LMX1A: variants seen among roughly 807,000 people sequenced by gnomAD.
LMX1A encodes the protein LIM homeobox transcription factor 1-alpha.
LMX1A carries 15 observed loss-of-function variants against 49.1 expected under a neutral mutation model. That is an observed-to-expected ratio of 0.31 (90% confidence interval 0.20 to 0.47). The LOEUF is 0.47. Ranked by LOEUF, LMX1A falls within the 20% of genes least tolerant of loss-of-function variation. LMX1A has a pLI of 1.00. For synonymous variants in LMX1A, 167 were observed against 185.7 expected (o/e 0.90, Z 0.82); for missense variants, 372 against 475.8 (o/e 0.78, Z 2.03).
intron 3 of LMX1A, among the ~76,000 whole-genome samples, chr1:165,299,416 G>A (rs1654711216): frequency 6.6e-6 from 1 of 152,188 alleles, no homozygotes; most frequent in African/African-American, 2.4e-5. Context: ...CTGGCCATGG[G>A]GCCATGCTCT....
intron 4 of LMX1A, among the ~76,000 whole-genome samples, chr1:165,247,054 C>CTTTTTTTTTT (rs71097567): frequency 0.021 from 1,121 of 53,200 alleles, 331 homozygotes; most frequent in East Asian, 0.048. Context: ...TCAGCTTTTT[C>CTTTTTTTTTT]TTTTTTTTTT....
At chr1:165,354,049 G>A (rs1178076731) in intron 2 of LMX1A, among the ~76,000 whole-genome samples, 12 of 152,172 alleles carry the variant, frequency 7.9e-5, no homozygotes, top group Non-Finnish European at 1.8e-4. Context: ...CTACCCCTTG[G>A]ACTTTGTGTT....
Position 165,344,875 on chromosome 1 carries a change from G to A in LMX1A, c.263+8201C>T, listed in dbSNP as rs181152741. On this transcript the variant is annotated intron_variant, in intron 3 of 8. Coordinates refer to ENST00000342310, the MANE Select transcript of LMX1A (RefSeq NM_177398.4). ...TCCCTTTGCAGGGCCCCATGCTCAG[G>A]AGAGACATCAACCTCTCCCCACCCT... 2.3e-4 allele frequency among the ~76,000 whole-genome samples: 35 copies of A among 152,282 alleles called. No individual in the cohort carries two copies. In the East Asian group the frequency reaches 6.8e-3, roughly 29 times the overall value.
chr1:165,202,903 T>C lies in LMX1A; in HGVS notation c.*977A>G, dbSNP rs1442981589. ...TGTATCTTAAACAAATATCAGATAT[T>C]AGTCTCAGCCCTGCTCATGTGTCCT... On this transcript the variant is annotated 3_prime_UTR_variant, in exon 9 of 9. Coordinates refer to ENST00000342310, the MANE Select transcript of LMX1A (RefSeq NM_177398.4). 2.0e-5 allele frequency: 3 copies of C among 152,672 alleles called. No individual in the cohort carries two copies. Among genetic ancestry groups the C allele is most frequent in the Non-Finnish European group, 4.4e-5 (3 of 68,074 alleles). The allele number at this position is 152,672 out of a possible 1,614,324, so 9.5% of individuals were successfully genotyped here.
chr1:165,266,683 G>C (rs1194988947), intron 3 of LMX1A, among the ~76,000 whole-genome samples: 3 of 130,188 alleles, frequency 2.3e-5, no homozygotes, highest in Non-Finnish European at 4.7e-5. Context: ...CTCACTGCCA[G>C]CTCCGCCTCC....
chr1:165,279,489 A>C (rs1325055528), intron 3 of LMX1A, among the ~76,000 whole-genome samples: 1 of 152,178 alleles, frequency 6.6e-6, no homozygotes, highest in Non-Finnish European at 1.5e-5. Context: ...ACTGGCATTA[A>C]TTCCATCTAC....
intron 4 of LMX1A, among the ~76,000 whole-genome samples, chr1:165,247,703 C>T (rs1465497561): frequency 1.3e-5 from 2 of 152,244 alleles, no homozygotes; most frequent in Admixed American, 6.5e-5. Context: ...TAAGCACCCA[C>T]ATTTATTGAA....
chr1:165,245,989 T>A (rs866216697), intron 4 of LMX1A, among the ~76,000 whole-genome samples: 3 of 151,284 alleles, frequency 2.0e-5, no homozygotes, highest in African/African-American at 7.3e-5. Context: ...ACTAGATCAG[T>A]CATTCACTCA....
intron 4 of LMX1A, among the ~76,000 whole-genome samples, chr1:165,232,911 C>T (rs1351474718): frequency 6.6e-6 from 1 of 152,130 alleles, no homozygotes; most frequent in African/African-American, 2.4e-5. Flanking sequence ...GGAAGATGTC[C>T]TTGGAGTGTC....
At chr1:165,226,776 T>C (rs1652051843) in intron 4 of LMX1A, among the ~76,000 whole-genome samples, 1 of 152,258 alleles carries the variant, frequency 6.6e-6, no homozygotes, top group Non-Finnish European at 1.5e-5. Flanking sequence ...TTGAATTTTA[T>C]TTTCCCAATG....
At chr1:165,317,766 A>G (rs7554002) in intron 3 of LMX1A, among the ~76,000 whole-genome samples, 132,889 of 152,208 alleles carry the variant, frequency 0.87, 58,493 homozygotes, top group East Asian at 0.94. Context: ...GAGAGCTCTC[A>G]CCGATCTCAC....
intron 3 of LMX1A, among the ~76,000 whole-genome samples, chr1:165,322,826 G>GA (rs1196862957): frequency 2.6e-5 from 4 of 151,962 alleles, no homozygotes; most frequent in South Asian, 2.1e-4. Flanking sequence ...TCAATAAACA[G>GA]AAAAAAAATT....
At chr1:165,271,237 C>G (rs892773541) in intron 3 of LMX1A, among the ~76,000 whole-genome samples, 1 of 152,112 alleles carries the variant, frequency 6.6e-6, no homozygotes, top group African/African-American at 2.4e-5. Context: ...CCCCCTGGTC[C>G]CAGCTCTTTC....
chr1:165,288,191 C>T (rs1202288505), intron 3 of LMX1A, among the ~76,000 whole-genome samples: 1 of 152,148 alleles, frequency 6.6e-6, no homozygotes, highest in Non-Finnish European at 1.5e-5. Context: ...GGATGGACAG[C>T]TCTCCTGGGT....
At chr1:165,312,558 C>T (rs1655105649) in intron 3 of LMX1A, among the ~76,000 whole-genome samples, 1 of 152,166 alleles carries the variant, frequency 6.6e-6, no homozygotes, top group African/African-American at 2.4e-5. Context: ...CTTCCTGTCT[C>T]TTGGATTGTT....
chr1:165,219,109 G>A (rs1437815917), intron 4 of LMX1A: 1 of 152,170 alleles, frequency 6.6e-6, no homozygotes, highest in Non-Finnish European at 1.5e-5. Context: ...ATGGTTCAGG[G>A]CTGTTTTCCC....
intron 3 of LMX1A, among the ~76,000 whole-genome samples, chr1:165,257,102 A>T (rs1429897918): frequency 6.6e-6 from 1 of 152,092 alleles, no homozygotes; most frequent in African/African-American, 2.4e-5. Context: ...TTGAGTACCC[A>T]CTCAGTGCTA....
At chr1:165,325,391 T>C (rs1655538159) in intron 3 of LMX1A, among the ~76,000 whole-genome samples, 1 of 152,200 alleles carries the variant, frequency 6.6e-6, no homozygotes. Flanking sequence ...GATAGTATAA[T>C]TCCTTTCCTT....
Position 165,201,893 on chromosome 1 carries a change from C to T in LMX1A, c.*1987G>A, listed in dbSNP as rs867912426. The T allele has an allele frequency of 2.0e-4, 30 of 152,440 alleles. No individual in the cohort carries two copies. The highest frequency in any genetic ancestry group is 7.0e-4 in the African/African-American group (29 of 41,452). 9.4% of individuals were successfully genotyped at this position (152,440 alleles called of 1,614,324 possible). A position where few individuals can be genotyped will look rare whatever the true frequency, so the allele number is the denominator to read the frequency against. On this transcript the variant is annotated 3_prime_UTR_variant, in exon 9 of 9. Transcript: ENST00000342310. The stretch of plus-strand genomic sequence containing the variant: ...CATTTGTAAGAGATTTTAATTTCAT[C>T]TTGGTATGCCATTAAGGAGTGGAAT...
Sources: gnomAD v4.1 joint callset for allele counts (sites outside exome capture counted in the v4.1 genomes callset) on GRCh38, gnomAD v4.1.1 for gene constraint, MANE v1.5 for transcripts, NCBI Gene and HGNC (gene_info 2026-07-23, HGNC 2026-07-21) for gene names.